PRKCE: variants seen among roughly 807,000 people sequenced by gnomAD.
PRKCE encodes protein kinase C epsilon type.
Under a neutral mutation model 85.4 loss-of-function variants are expected in PRKCE, and 16 were observed. The ratio of observed to expected loss-of-function variants is 0.19; its 90% CI spans 0.13 to 0.28. The LOEUF (loss-of-function observed/expected upper bound fraction) is 0.28. Ranked by LOEUF, PRKCE falls within the 10% of genes least tolerant of loss-of-function variation. The pLI is 1.00. For missense variants in PRKCE, 573 were observed against 975.2 expected, an observed-to-expected ratio of 0.59 and a Z score of 5.49; for synonymous variants, 388 against 371.5, an observed-to-expected ratio of 1.04 and a Z score of -0.51.
intron 1 of PRKCE, among the ~76,000 whole-genome samples, chr2:45,760,583 G>T (rs1204067292): frequency 6.6e-6 from 1 of 152,186 alleles, no homozygotes; most frequent in African/African-American, 2.4e-5. Flanking sequence ...AGGTAATTTG[G>T]CCAGTGGCTA....
At chr2:46,160,995 G>C (rs553322433) in intron 14 of PRKCE, among the ~76,000 whole-genome samples, 2 of 152,324 alleles carry the variant, frequency 1.3e-5, no homozygotes, top group East Asian at 3.9e-4. Flanking sequence ...TGGTTTTCAT[G>C]TTTTCACTGG....
intron 2 of PRKCE, among the ~76,000 whole-genome samples, chr2:45,849,376 T>A (rs1692059165): frequency 6.6e-6 from 1 of 152,146 alleles, no homozygotes; most frequent in Non-Finnish European, 1.5e-5. Context: ...TTTTCTCGCT[T>A]AGCAACCTCA....
At chr2:46,040,914 C>T (rs1385198194) in intron 10 of PRKCE, among the ~76,000 whole-genome samples, 3 of 152,178 alleles carry the variant, frequency 2.0e-5, no homozygotes, top group Admixed American at 6.5e-5. Context: ...AAATGTAGTT[C>T]GGACTTTACC....
At chr2:46,165,141 C>A (rs2104615466) in intron 14 of PRKCE, among the ~76,000 whole-genome samples, 1 of 152,322 alleles carries the variant, frequency 6.6e-6, no homozygotes, top group African/African-American at 2.4e-5. Context: ...TGACTACAGG[C>A]CAACATCCCT....
chr2:45,948,043 T>C (rs1214700099), intron 2 of PRKCE, among the ~76,000 whole-genome samples: 1 of 152,248 alleles, frequency 6.6e-6, no homozygotes, highest in Non-Finnish European at 1.5e-5. Flanking sequence ...TACGTGAATG[T>C]CTTATATCTA....
chr2:46,166,583 T>A (rs893179768), intron 14 of PRKCE, among the ~76,000 whole-genome samples: 2 of 152,220 alleles, frequency 1.3e-5, no homozygotes, highest in South Asian at 2.1e-4. Context: ...AAAATTGCTC[T>A]CACAGGAAAG....
rs74485618 is a variant in PRKCE, at chr2:45,883,094, C to T, written c.412+40031C>T. Among the ~76,000 whole-genome samples the T allele has an allele frequency of 2.4e-3, 372 of 152,356 alleles. 2 individuals are homozygous for T. The highest frequency in any genetic ancestry group is 8.5e-3 in the African/African-American group (354 of 41,582). ...AAAAAGCCTTCTATCTTCAAATTCACATTGTAGTACTTCTTTGAGGTACTG... is the reference window on the plus strand; with the variant it reads ...AAAAAGCCTTCTATCTTCAAATTCATATTGTAGTACTTCTTTGAGGTACTG... On this transcript the variant is annotated intron_variant, in intron 2 of 14. Transcript: ENST00000306156.
intron 1 of PRKCE, among the ~76,000 whole-genome samples, chr2:45,720,453 C>T (rs1391071194): frequency 1.3e-5 from 2 of 152,016 alleles, no homozygotes; most frequent in African/African-American, 2.4e-5. Flanking sequence ...TGCAGCCTCA[C>T]AATACTGAAA....
intron 1 of PRKCE, among the ~76,000 whole-genome samples, chr2:45,759,310 C>T (rs1684252413): frequency 6.6e-6 from 1 of 152,206 alleles, no homozygotes; most frequent in Non-Finnish European, 1.5e-5. Flanking sequence ...AGGTTCTGGG[C>T]ATAAGGAGCA....
chr2:45,861,249 C>T (rs558972800), intron 2 of PRKCE, among the ~76,000 whole-genome samples: 23 of 152,250 alleles, frequency 1.5e-4, no homozygotes, highest in African/African-American at 5.5e-4. Context: ...TGGTTCTAAC[C>T]TCCACAGGCA....
intron 1 of PRKCE, among the ~76,000 whole-genome samples, chr2:45,727,880 C>T (rs1367743959): frequency 6.6e-6 from 1 of 152,266 alleles, no homozygotes; most frequent in Middle Eastern, 3.4e-3. Flanking sequence ...GTCTCAAACT[C>T]CTGACCTCGT....
rs1697318039 is a variant in PRKCE, at chr2:45,910,641, G to C, written c.413-65788G>C. Among the ~76,000 whole-genome samples, 2 of 152,142 alleles carry C rather than the reference G, an allele frequency of 1.3e-5. 1 individual carries two copies. Among genetic ancestry groups the C allele is most frequent in the Admixed American group, 1.3e-4 (2 of 15,274 alleles). On this transcript the variant is annotated intron_variant, in intron 2 of 14. Transcript: ENST00000306156. ...ATCATTAAATGAAGTGTTATCTGTT[G>C]GATAGCCCAGCTCAGTGTCTCACAG...
At chr2:45,694,439 G>A (rs1677979319) in intron 1 of PRKCE, among the ~76,000 whole-genome samples, 1 of 152,196 alleles carries the variant, frequency 6.6e-6, no homozygotes. Flanking sequence ...CACGTTTATT[G>A]GGTGCCAAAG....
intron 1 of PRKCE, among the ~76,000 whole-genome samples, chr2:45,733,001 C>G (rs1681721589): frequency 6.6e-6 from 1 of 152,232 alleles, no homozygotes. Context: ...TCTGCGAAAA[C>G]AACTTGGCTC....
chr2:45,737,862 C>T (rs897597748), intron 1 of PRKCE, among the ~76,000 whole-genome samples: 2 of 152,124 alleles, frequency 1.3e-5, no homozygotes, highest in East Asian at 1.9e-4. Flanking sequence ...GACATCGCCC[C>T]AAGTTCAACA....
chr2:46,175,724 G>C (rs1679357117), intron 14 of PRKCE, among the ~76,000 whole-genome samples: 1 of 152,090 alleles, frequency 6.6e-6, no homozygotes, highest in Non-Finnish European at 1.5e-5. Flanking sequence ...GTTCTCAGAT[G>C]TCCTGATTTT....
intron 1 of PRKCE, among the ~76,000 whole-genome samples, chr2:45,817,066 AGTGTGTGTGTGTGTGTGT>A (rs200785601): frequency 2.9e-5 from 4 of 135,880 alleles, no homozygotes; most frequent in African/African-American, 8.5e-5. Flanking sequence ...CTGTAAGTAG[AGTGTGTGTGTGTGTGTGT>A]GTGTGTGTGT....
At chr2:45,684,818 G>A (rs994930774) in intron 1 of PRKCE, among the ~76,000 whole-genome samples, 2 of 152,194 alleles carry the variant, frequency 1.3e-5, no homozygotes. Flanking sequence ...GAATGCATGG[G>A]ACTTGTGTGT....
In PRKCE at chr2:45,874,492, C is replaced by G. The variant is rs77953633; in HGVS notation, c.412+31429C>G. 4.0e-3 allele frequency among the ~76,000 whole-genome samples: 610 copies of G among 152,346 alleles called. 10 individuals carry two copies. Among genetic ancestry groups the G allele is most frequent in the East Asian group, 0.029 (148 of 5,184 alleles). On this transcript the variant is annotated intron_variant, in intron 2 of 14. Transcript: ENST00000306156. ...CTCCCACATTTTGGCAGTGGCTCTC[C>G]CAACTTGGCAACTGGCTTAGAGGCA... is the stretch of plus-strand genomic sequence containing the variant.
Sources: allele counts gnomAD v4.1 joint callset (sites outside exome capture counted in the v4.1 genomes callset), GRCh38; gene constraint gnomAD v4.1.1; transcripts MANE v1.5; gene names NCBI Gene and HGNC (gene_info 2026-07-23, HGNC 2026-07-21).